Variants in ITPK1 observed in about 807,000 individuals in gnomAD.
ITPK1 encodes inositol-tetrakisphosphate 1-kinase.
A neutral mutation model predicts 45.3 loss-of-function variants in ITPK1; 21 were observed. The observed-to-expected ratio is 0.46, with a 90% confidence interval of 0.33 to 0.67. The LOEUF (loss-of-function observed/expected upper bound fraction) is 0.67. ITPK1 is among the 30% of genes least tolerant of loss of function. ITPK1 has a pLI of 0.02. For missense variants in ITPK1, 474 were observed against 573.5 expected (o/e 0.83, Z 1.77); for synonymous variants, 258 against 253.6 (o/e 1.02, Z -0.16).
intron 3 of ITPK1, among the ~76,000 whole-genome samples, chr14:93,029,889 G>A (rs573951704): frequency 2.6e-5 from 4 of 152,172 alleles, no homozygotes; most frequent in Non-Finnish European, 4.4e-5. Context: ...GATTGTCTTC[G>A]GTGCACCACA....
chr14:93,061,236 C>A (rs1890506971), intron 3 of ITPK1, among the ~76,000 whole-genome samples: 1 of 152,272 alleles, frequency 6.6e-6, no homozygotes. Context: ...TACTTTGACA[C>A]TGTATCTCAA....
intron 3 of ITPK1, among the ~76,000 whole-genome samples, chr14:93,073,661 G>C (rs146531191): frequency 6.6e-6 from 1 of 152,102 alleles, no homozygotes; most frequent in Non-Finnish European, 1.5e-5. Context: ...GTAATAAGAG[G>C]AACAGAAGCA....
chr14:93,076,751 C>T lies in ITPK1; in HGVS notation c.96-132G>A, dbSNP rs2139983781. 1.0e-6 allele frequency: 1 copy of T among 990,694 alleles called. No homozygotes were observed. Among genetic ancestry groups the T allele is most frequent in the South Asian group, 1.4e-5 (1 of 72,752 alleles). 61.4% of individuals were successfully genotyped at this position (990,694 alleles called of 1,614,324 possible). On this transcript the variant is annotated intron_variant, in intron 2 of 10. Transcript: ENST00000267615. This position sits in a 1 kb window ranked among gnomAD's most constrained non-coding sequence, Gnocchi z 4.3. ...GAGGGAGCCGGCAGCTGCGCCTCTCCTGCTACTGTCCCAGAACAGCCATGC... is the reference window on the plus strand; with the variant it reads ...GAGGGAGCCGGCAGCTGCGCCTCTCTTGCTACTGTCCCAGAACAGCCATGC...
chr14:93,084,499 A>G (rs1490778705), intron 2 of ITPK1, among the ~76,000 whole-genome samples: 4 of 152,194 alleles, frequency 2.6e-5, no homozygotes, highest in Non-Finnish European at 5.9e-5. Flanking sequence ...AGGGCAGACC[A>G]CAGCCCCCGA....
At chr14:93,018,492 A>C (rs922160148) in intron 3 of ITPK1, among the ~76,000 whole-genome samples, 2 of 151,828 alleles carry the variant, frequency 1.3e-5, no homozygotes, top group Admixed American at 1.3e-4. Context: ...CCTCTTTCTT[A>C]CTGTTTGCCA....
At chr14:92,946,935 C>T (rs970674221) in intron 9 of ITPK1, among the ~76,000 whole-genome samples, 21 of 152,060 alleles carry the variant, frequency 1.4e-4, no homozygotes, top group African/African-American at 4.1e-4. Context: ...GCACCGAAGC[C>T]GGAACTTGGA....
At chr14:92,990,078 T>C (rs1465327251) in intron 5 of ITPK1, among the ~76,000 whole-genome samples, 2 of 152,188 alleles carry the variant, frequency 1.3e-5, no homozygotes, top group Non-Finnish European at 2.9e-5. Flanking sequence ...CTAGCCCTTC[T>C]TCCATGGTGA....
chr14:93,058,440 GT>G (rs1422621498), intron 3 of ITPK1, among the ~76,000 whole-genome samples: 1 of 61,532 alleles, frequency 1.6e-5, no homozygotes. Context: ...CGAGGCAGGG[GT>G]TGAGGGGGTG....
rs1002563764 is a variant in ITPK1 at position 93,016,860 on chromosome 14, C to T, written c.121-59G>A. The T allele has an allele frequency of 3.8e-6, 6 of 1,598,878 alleles. No individual in the cohort carries two copies. Among genetic ancestry groups the T allele is most frequent in the Non-Finnish European group, 5.1e-6 (6 of 1,172,084 alleles). Reference sequence around the variant, plus strand: ...CTTCAGCACCTGAGTCCACTGCCCCCATCCTCTTGTCCACCCTGGGGCATA... The same window carrying T: ...CTTCAGCACCTGAGTCCACTGCCCCTATCCTCTTGTCCACCCTGGGGCATA... On this transcript the variant is annotated intron_variant, in intron 3 of 10. Transcript: ENST00000267615. This position sits in a 1 kb window ranked among gnomAD's most constrained non-coding sequence, Gnocchi z 5.0.
At chr14:93,021,973 C>G (rs183223852) in intron 3 of ITPK1, among the ~76,000 whole-genome samples, 12 of 152,350 alleles carry the variant, frequency 7.9e-5, no homozygotes. Context: ...GAGTGGGTAA[C>G]TTTTCTCCCT....
intron 2 of ITPK1, among the ~76,000 whole-genome samples, chr14:93,078,233 A>G (rs1281275100): frequency 6.6e-6 from 1 of 152,120 alleles, no homozygotes; most frequent in Non-Finnish European, 1.5e-5. Flanking sequence ...CCCCACAGGA[A>G]CCTTTGGGCA....
In ITPK1 at chr14:93,106,089, C is replaced by T. The variant is rs1319157385; in HGVS notation, c.95+8980G>A. 3.9e-5 allele frequency among the ~76,000 whole-genome samples: 6 copies of T among 152,250 alleles called. No homozygotes were observed. The South Asian group carries it at 8.3e-4, about 21-fold the overall frequency. On this transcript the variant is annotated intron_variant, in intron 2 of 10. Coordinates refer to ENST00000267615, the MANE Select transcript of ITPK1 (RefSeq NM_014216.6). The stretch of plus-strand genomic sequence containing the variant: ...ACTGCCAAAGAGCACACAGGTCAGG[C>T]GCGGCTTCCCTCGGCTCCCTTGGGC...
intron 3 of ITPK1, among the ~76,000 whole-genome samples, chr14:93,022,608 G>C (rs1888527245): frequency 6.6e-6 from 1 of 151,660 alleles, no homozygotes. Flanking sequence ...TGCCTCCCGG[G>C]TCCAAGTGAT....
chr14:93,050,630 T>C (rs1052233827), intron 3 of ITPK1, among the ~76,000 whole-genome samples: 1 of 152,034 alleles, frequency 6.6e-6, no homozygotes, highest in African/African-American at 2.4e-5. Flanking sequence ...CCTCCCTTTA[T>C]TCTCTCCACC....
intron 7 of ITPK1, among the ~76,000 whole-genome samples, chr14:92,961,921 G>A (rs1352163938): frequency 2.0e-5 from 3 of 152,376 alleles, no homozygotes; most frequent in African/African-American, 7.2e-5. Context: ...TGAGGACACA[G>A]TGAGAAGGTG....
chr14:93,018,199 G>A (rs1417913692), intron 3 of ITPK1, among the ~76,000 whole-genome samples: 1 of 152,018 alleles, frequency 6.6e-6, no homozygotes, highest in Non-Finnish European at 1.5e-5. Context: ...GCATCCTCAC[G>A]CCCCCACCCC....
At chr14:92,971,665 A>T (rs1025798142) in intron 5 of ITPK1, among the ~76,000 whole-genome samples, 1 of 152,212 alleles carries the variant, frequency 6.6e-6, no homozygotes, top group Admixed American at 6.5e-5. Flanking sequence ...GCAGGGAGGA[A>T]GCTGTCATGG....
At chr14:92,952,333 A>G (rs1887996496) in intron 8 of ITPK1, among the ~76,000 whole-genome samples, 1 of 152,164 alleles carries the variant, frequency 6.6e-6, no homozygotes, top group African/African-American at 2.4e-5. Context: ...GAAGTAGGGG[A>G]AAAGGGCTCG....
rs147536164 is a variant in ITPK1, at chr14:93,076,339, C to A, written c.120+256G>T. On this transcript the variant is annotated intron_variant, in intron 3 of 10. Coordinates refer to ENST00000267615, the MANE Select transcript of ITPK1 (RefSeq NM_014216.6). This position sits in a 1 kb window ranked among gnomAD's most constrained non-coding sequence, Gnocchi z 4.3. ...CCTAACCTGACCACTGCCATGCACACCCCCCTCAGGACTCCCAAACCAACC... is the reference window on the plus strand; with the variant it reads ...CCTAACCTGACCACTGCCATGCACAACCCCCTCAGGACTCCCAAACCAACC... Among the ~76,000 whole-genome samples, 1,290 of 152,136 alleles carry A rather than the reference C, an allele frequency of 8.5e-3. 17 individuals are homozygous for A. Among genetic ancestry groups the A allele is most frequent in the Admixed American group, 0.03 (454 of 15,280 alleles).
Sources: allele counts gnomAD v4.1 joint callset (sites outside exome capture counted in the v4.1 genomes callset), GRCh38; gene constraint gnomAD v4.1.1; non-coding constraint Gnocchi (gnomAD v3.1); transcripts MANE v1.5; gene names NCBI Gene and HGNC (gene_info 2026-07-23, HGNC 2026-07-21).